Variants in CFAP47 observed in about 807,000 individuals in gnomAD.
CFAP47 encodes the protein cilia- and flagella-associated protein 47.
A neutral mutation model predicts 148.1 loss-of-function variants in CFAP47; 29 were observed. The observed-to-expected ratio is 0.20, with a 90% CI of 0.15 to 0.27. The LOEUF (loss-of-function observed/expected upper bound fraction) is 0.27. CFAP47 is among the 10% of genes least tolerant of loss of function. The pLI is 1.00. For synonymous variants in CFAP47, 664 were observed against 577.3 expected, an observed-to-expected ratio of 1.15 and a Z score of -2.15; for missense variants, 1,872 against 1,697.5, an observed-to-expected ratio of 1.10 and a Z score of -1.81.
intron 2 of CFAP47, 77 bp downstream of exon 2, chrX:35,926,245 AT>A: frequency 1.2e-6 from 1 of 816,223 alleles, no homozygotes; most frequent in East Asian, 3.5e-5. Flanking sequence ...AATATTTTGT[AT>A]TTTTTCTGAC....
chrX:36,217,122 T>A (rs1290471520), intron 45 of CFAP47, among the ~76,000 whole-genome samples: 1 of 112,131 alleles, frequency 8.9e-6, no homozygotes, highest in Non-Finnish European at 1.9e-5. Flanking sequence ...AAAGATGGAC[T>A]CCATTGGATA....
At chrX:36,354,480 CAA>C (rs869120972) in intron 60 of CFAP47, among the ~76,000 whole-genome samples, 1,889 of 40,413 alleles carry the variant, frequency 0.047, 39 homozygotes, top group African/African-American at 0.13. Context: ...GACTCTGTCT[CAA>C]AAAAAAAAAA....
At chrX:36,300,349 G>T (rs7059422) in intron 52 of CFAP47, among the ~76,000 whole-genome samples, 644 of 108,563 alleles carry the variant, frequency 5.9e-3, no homozygotes, top group African/African-American at 0.021. Flanking sequence ...GAGTGCAGTG[G>T]CGTGATCTCA....
intron 35 of CFAP47, chrX:36,144,530 G>A: frequency 5.0e-6 from 5 of 1,005,827 alleles, no homozygotes; most frequent in South Asian, 1.9e-5. Flanking sequence ...ATTGAAGGAT[G>A]CCAAGATGAC....
intron 26 of CFAP47, among the ~76,000 whole-genome samples, chrX:36,054,522 ATGTAT>A (rs2096686495): frequency 9.0e-6 from 1 of 111,642 alleles, no homozygotes; most frequent in African/African-American, 3.2e-5. Context: ...ATTTTATTAA[ATGTAT>A]TGAATGGTTT....
chrX:36,085,262 C>A, intron 29 of CFAP47, 52 bp from the exon 30 acceptor site: 2 of 765,179 alleles, frequency 2.6e-6, no homozygotes, highest in Middle Eastern at 3.0e-4. Context: ...TTTTTTTCCC[C>A]CATACTATAA....
intron 25 of CFAP47, among the ~76,000 whole-genome samples, chrX:36,040,503 T>G (rs2146727002): frequency 1.8e-5 from 2 of 111,944 alleles, no homozygotes; most frequent in East Asian, 5.6e-4. Context: ...CATTTTTAAA[T>G]CAATCATGAG....
chrX:36,173,675 T>C (rs1303956659), intron 39 of CFAP47, among the ~76,000 whole-genome samples: 1 of 112,075 alleles, frequency 8.9e-6, no homozygotes, highest in East Asian at 2.8e-4. Context: ...CAGTTTGTTA[T>C]AATTTCTATT....
At chrX:36,226,123 C>T (rs1405962445) in intron 45 of CFAP47, among the ~76,000 whole-genome samples, 1 of 111,509 alleles carries the variant, frequency 9.0e-6, no homozygotes, top group African/African-American at 3.3e-5. Context: ...TTTGGTACTG[C>T]TCCTGCAGGC....
At chrX:36,154,437 A>G (rs1417579409) in intron 37 of CFAP47, among the ~76,000 whole-genome samples, 1 of 112,206 alleles carries the variant, frequency 8.9e-6, no homozygotes, top group Non-Finnish European at 1.9e-5. Context: ...CCTCATCAGG[A>G]TGGCCTTTAC....
intron 26 of CFAP47, among the ~76,000 whole-genome samples, chrX:36,047,842 T>A (rs755458748): frequency 2.7e-4 from 30 of 112,253 alleles, no homozygotes; most frequent in Non-Finnish European, 4.9e-4. Context: ...TCTTAATACA[T>A]CATATTTCAC....
At chrX:36,290,505 G>C (rs1941182645) in intron 51 of CFAP47, among the ~76,000 whole-genome samples, 1 of 112,128 alleles carries the variant, frequency 8.9e-6, no homozygotes, top group Non-Finnish European at 1.9e-5. Flanking sequence ...GTCAGCTTCA[G>C]TTTCCTCTCA....
At chrX:36,232,484 T>C (rs1940379141) in intron 46 of CFAP47, among the ~76,000 whole-genome samples, 1 of 111,783 alleles carries the variant, frequency 8.9e-6, no homozygotes. Context: ...TTTTATTGCG[T>C]CTATTTGATT....
rs6653963 is a variant in CFAP47, at chrX:36,304,612, A to T, written c.8082+652A>T. On this transcript the variant is annotated intron_variant, in intron 54 of 63. Transcript: ENST00000378653. ...TATTATGATTATTAACTCTATTGTCATTATATGTTGCCAGGGTTCCAAGGG... is the reference window on the plus strand; with the variant it reads ...TATTATGATTATTAACTCTATTGTCTTTATATGTTGCCAGGGTTCCAAGGG... 4.8e-3 allele frequency among the ~76,000 whole-genome samples: 527 copies of T among 110,511 alleles called. 5 individuals are homozygous for T. Among genetic ancestry groups the T allele is most frequent in the African/African-American group, 0.016 (482 of 30,379 alleles).
chrX:36,247,532 G>A lies in CFAP47; in HGVS notation c.7333-3801G>A, dbSNP rs192927040. On this transcript the variant is annotated intron_variant, in intron 48 of 63. Transcript: ENST00000378653. ...GTATGAATGTAGTAACATACAGGAA[G>A]ACTAGAAGGATAGGTGCATACTGGA... Among the ~76,000 whole-genome samples, 122 of 111,476 alleles carry A rather than the reference G, an allele frequency of 1.1e-3. No individual in the cohort carries two copies. In the East Asian group the frequency reaches 0.021, roughly 19 times the overall value.
At chrX:36,001,947 T>A (rs1405640384) in intron 21 of CFAP47, among the ~76,000 whole-genome samples, 2 of 111,700 alleles carry the variant, frequency 1.8e-5, no homozygotes, top group Non-Finnish European at 3.8e-5. Flanking sequence ...TTTGTTATAC[T>A]ATCTAGAAAA....
chrX:36,235,131 C>A (rs1200598482), intron 46 of CFAP47, among the ~76,000 whole-genome samples: 2 of 111,448 alleles, frequency 1.8e-5, no homozygotes, highest in African/African-American at 6.5e-5. Context: ...CTGGGAGAAC[C>A]ACTGCTCTCT....
At chrX:36,165,294 T>C (rs1479682710) in intron 39 of CFAP47, among the ~76,000 whole-genome samples, 2 of 112,190 alleles carry the variant, frequency 1.8e-5, no homozygotes, top group African/African-American at 3.2e-5. Flanking sequence ...TTTGTTTCTC[T>C]ATTAGTCCAT....
intron 26 of CFAP47, among the ~76,000 whole-genome samples, chrX:36,063,391 G>C (rs999032019): frequency 3.6e-5 from 4 of 110,932 alleles, no homozygotes; most frequent in African/African-American, 1.3e-4. Flanking sequence ...TAATATCAAT[G>C]AGTGAAGTGT....
Sources: allele counts gnomAD v4.1 joint callset (sites outside exome capture counted in the v4.1 genomes callset), GRCh38; gene constraint gnomAD v4.1.1; transcripts MANE v1.5; gene names NCBI Gene and HGNC (gene_info 2026-07-23, HGNC 2026-07-21).